Variants in CECR2 observed in about 807,000 individuals in gnomAD.
CECR2 encodes chromatin remodeling regulator CECR2.
Under a neutral mutation model 154.5 loss-of-function variants are expected in CECR2, and 30 were observed. The observed-to-expected ratio is 0.19, with a 90% CI of 0.15 to 0.26. The LOEUF is 0.26. Ranked by LOEUF, CECR2 falls within the 10% of genes least tolerant of loss-of-function variation. CECR2 has a pLI of 1.00. For missense variants in CECR2, 1,743 were observed against 1,829.3 expected (o/e 0.95, Z 0.86); for synonymous variants, 725 against 683.7 (o/e 1.06, Z -0.94).
chr22:17,444,503 T>C (rs1213412136), intron 1 of CECR2, among the ~76,000 whole-genome samples: 1 of 152,052 alleles, frequency 6.6e-6, no homozygotes, highest in Non-Finnish European at 1.5e-5. Context: ...GGTGCACACC[T>C]GTAGTCCCAG....
intron 9 of CECR2, 184 bp downstream of exon 9, chr22:17,524,455 T>C (rs1463478541): frequency 7.3e-5 from 44 of 600,788 alleles, no homozygotes; most frequent in South Asian, 6.7e-4. Context: ...TGCAGTGGCG[T>C]GATCTCAGCT....
intron 2 of CECR2, among the ~76,000 whole-genome samples, chr22:17,485,666 C>T (rs960224208): frequency 2.0e-5 from 3 of 152,004 alleles, no homozygotes; most frequent in East Asian, 3.9e-4. Flanking sequence ...CCCAGGTACT[C>T]GGGAGGCTGA....
intron 1 of CECR2, among the ~76,000 whole-genome samples, chr22:17,390,156 C>T (rs2063311201): frequency 6.6e-6 from 1 of 152,114 alleles, no homozygotes; most frequent in Admixed American, 6.6e-5. Context: ...TCTTTAGTCT[C>T]CTTTAAAATA....
At chr22:17,401,503 A>AC (rs372261286) in intron 1 of CECR2, among the ~76,000 whole-genome samples, 41 of 150,004 alleles carry the variant, frequency 2.7e-4, no homozygotes, top group Middle Eastern at 3.4e-3. Flanking sequence ...TCTCAGGGTG[A>AC]CCCCCCCAAT....
chr22:17,499,077 C>T (rs1208043001), intron 3 of CECR2, among the ~76,000 whole-genome samples: 1 of 152,060 alleles, frequency 6.6e-6, no homozygotes, highest in African/African-American at 2.4e-5. Flanking sequence ...GCGACCTCCA[C>T]CTCCCAGGTT....
intron 13 of CECR2, 168 bp downstream of exon 13, chr22:17,539,287 G>T: frequency 1.4e-6 from 1 of 709,218 alleles, no homozygotes; most frequent in South Asian, 1.8e-5. Flanking sequence ...GTCTGCCAGG[G>T]ATTCTCTCCT....
intron 2 of CECR2, among the ~76,000 whole-genome samples, chr22:17,488,245 T>C (rs1169313661): frequency 2.6e-5 from 4 of 152,228 alleles, no homozygotes; most frequent in Non-Finnish European, 5.9e-5. Context: ...AGATCCCTTA[T>C]AAACAAACAT....
chr22:17,380,639 T>C (rs1338477811), intron 1 of CECR2, among the ~76,000 whole-genome samples: 1 of 152,130 alleles, frequency 6.6e-6, no homozygotes, highest in African/African-American at 2.4e-5. Context: ...CCTCCCTTGC[T>C]CCTCCCCACC....
At position 17,537,100 on chromosome 22, in the gene CECR2, T is replaced by C; in HGVS notation, c.1109-3T>C. The C allele has an allele frequency of 1.2e-6, 2 of 1,613,734 alleles. No individual in the cohort carries two copies. The highest frequency in any genetic ancestry group is 1.7e-6 in the Non-Finnish European group (2 of 1,179,780). ...GCTCACTCAGCCTTTGTGTTCATTG[T>C]AGATCGAGCGAAGAGGAGAAAGCTC... On this transcript the variant is annotated splice_polypyrimidine_tract_variant and splice_region_variant and intron_variant, in intron 9 of 18. Transcript: ENST00000262608.
Position 17,401,395 on chromosome 22 carries a change from C to A in CECR2, c.126+31486C>A, listed in dbSNP as rs376787427. ...ATACACACTAGTGAAACCATTACCACGTCAAGACGAACATGTCCGCCAACG... is the reference window on the plus strand; with the variant it reads ...ATACACACTAGTGAAACCATTACCAAGTCAAGACGAACATGTCCGCCAACG... On this transcript the variant is annotated intron_variant, in intron 1 of 18. Coordinates refer to ENST00000262608, the MANE Select transcript of CECR2 (RefSeq NM_001290047.2). Among the ~76,000 whole-genome samples the A allele has an allele frequency of 8.5e-5, 13 of 152,312 alleles. No individual in the cohort carries two copies. In the South Asian group the frequency reaches 1.7e-3, roughly 19 times the overall value.
At chr22:17,407,924 T>A (rs1315599793) in intron 1 of CECR2, among the ~76,000 whole-genome samples, 2 of 152,198 alleles carry the variant, frequency 1.3e-5, no homozygotes, top group Admixed American at 6.5e-5. Flanking sequence ...CAGCTTATCT[T>A]GAGTTTTCAT....
chr22:17,364,140 T>G (rs1027797356), intron 1 of CECR2, among the ~76,000 whole-genome samples: 7 of 151,156 alleles, frequency 4.6e-5, no homozygotes, highest in African/African-American at 1.2e-4. Flanking sequence ...TCAGAAGATC[T>G]AGACCATCCT....
intron 1 of CECR2, among the ~76,000 whole-genome samples, chr22:17,415,416 ATT>A (rs2054142862): frequency 6.6e-6 from 1 of 151,942 alleles, no homozygotes; most frequent in African/African-American, 2.4e-5. Context: ...TAATTTTTGT[ATT>A]TTTTGTAGAG....
Position 17,538,513 on chromosome 22 carries a change from T to C in CECR2, c.1239-7T>C. The stretch of plus-strand genomic sequence containing the variant: ...TTACTATTAATTTCTTATTTTGTGA[T>C]TTACAGCTTTGAGTTGGATGATGAT... On this transcript the variant is annotated splice_region_variant and splice_polypyrimidine_tract_variant and intron_variant, in intron 10 of 18. Transcript: ENST00000262608. 6.2e-7 allele frequency: 1 copy of C among 1,613,418 alleles called. No homozygotes were observed. The highest frequency in any genetic ancestry group is 1.1e-5 in the South Asian group (1 of 91,068).
chr22:17,385,834 A>G (rs1328173937), intron 1 of CECR2, among the ~76,000 whole-genome samples: 1 of 152,244 alleles, frequency 6.6e-6, no homozygotes, highest in Non-Finnish European at 1.5e-5. Flanking sequence ...CGGAAGGGGC[A>G]TGAACCGCTG....
At chr22:17,373,439 G>A (rs1601238752) in intron 1 of CECR2, among the ~76,000 whole-genome samples, 1 of 152,066 alleles carries the variant, frequency 6.6e-6, no homozygotes, top group Non-Finnish European at 1.5e-5. Context: ...TAAAATACAG[G>A]TAAAAATTAA....
intron 1 of CECR2, among the ~76,000 whole-genome samples, chr22:17,388,467 C>A (rs1389171473): frequency 1.3e-5 from 2 of 152,130 alleles, no homozygotes; most frequent in Non-Finnish European, 2.9e-5. Context: ...TGGCAGAACC[C>A]ATACCGGCAG....
At chr22:17,383,712 A>T (rs1320577986) in intron 1 of CECR2, among the ~76,000 whole-genome samples, 1 of 120,960 alleles carries the variant, frequency 8.3e-6, no homozygotes, top group African/African-American at 3.3e-5. Context: ...CCCAGGCTGG[A>T]GCGCAGTGGC....
At chr22:17,465,475 A>G (rs1381632157) in intron 1 of CECR2, among the ~76,000 whole-genome samples, 1 of 151,404 alleles carries the variant, frequency 6.6e-6, no homozygotes, top group Non-Finnish European at 1.5e-5. Flanking sequence ...GATTACAGGC[A>G]TTCACCACCT....
Sources: gnomAD v4.1 joint callset for allele counts (sites outside exome capture counted in the v4.1 genomes callset) on GRCh38, gnomAD v4.1.1 for gene constraint, MANE v1.5 for transcripts, NCBI Gene and HGNC (gene_info 2026-07-23, HGNC 2026-07-21) for gene names.